Variants in CDK19 observed in about 807,000 individuals in gnomAD.
CDK19 encodes the protein cyclin-dependent kinase 19.
A neutral mutation model predicts 68.3 loss-of-function variants in CDK19; 20 were observed. That is an observed-to-expected ratio of 0.29 (90% CI 0.21 to 0.43). CDK19 has a LOEUF of 0.43. Ranked by LOEUF, CDK19 falls within the 20% of genes least tolerant of loss-of-function variation. CDK19 has a pLI of 1.00. For synonymous variants in CDK19, 221 were observed against 222.8 expected, an observed-to-expected ratio of 0.99 and a Z score of 0.07; for missense variants, 339 against 623.5, an observed-to-expected ratio of 0.54 and a Z score of 4.86.
intron 2 of CDK19, among the ~76,000 whole-genome samples, chr6:110,741,631 A>C (rs1346978245): frequency 6.6e-6 from 1 of 152,040 alleles, no homozygotes. Context: ...AAAGCCAAAG[A>C]CAAAGACAGA....
chr6:110,767,275 A>G (rs924428695), intron 1 of CDK19, among the ~76,000 whole-genome samples: 7 of 151,962 alleles, frequency 4.6e-5, no homozygotes, highest in African/African-American at 1.4e-4. Context: ...AAAATCACAG[A>G]TAGGAGGAAT....
chr6:110,722,527 C>A (rs1220430214), intron 2 of CDK19, among the ~76,000 whole-genome samples: 1 of 145,018 alleles, frequency 6.9e-6, no homozygotes. Flanking sequence ...AGTGAGATCT[C>A]ATCTTTGTTT....
chr6:110,813,007 A>G (rs1406484435), intron 1 of CDK19, among the ~76,000 whole-genome samples: 1 of 151,682 alleles, frequency 6.6e-6, no homozygotes, highest in African/African-American at 2.4e-5. Context: ...TCTTATACGT[A>G]ATACAGTGAT....
chr6:110,725,528 A>C (rs1776255556), intron 2 of CDK19, among the ~76,000 whole-genome samples: 1 of 152,182 alleles, frequency 6.6e-6, no homozygotes. Flanking sequence ...TTGATTTTAC[A>C]AAATCAGTAG....
chr6:110,649,671 A>G (rs1483962285), intron 4 of CDK19, among the ~76,000 whole-genome samples: 1 of 152,218 alleles, frequency 6.6e-6, no homozygotes, highest in East Asian at 1.9e-4. Context: ...ACAAAATAGA[A>G]AAATGGGCAA....
rs1336362232 is a variant in CDK19, at chr6:110,632,024, A to G, written c.646+6T>C. On this transcript the variant is annotated splice_donor_region_variant and intron_variant, in intron 6 of 12. Transcript: ENST00000368911. ...CAAGATAGTAAATCATTTTAGACCAACTTACCAATGGCCTTTGTATAATGC... is the reference window on the plus strand; with the variant it reads ...CAAGATAGTAAATCATTTTAGACCAGCTTACCAATGGCCTTTGTATAATGC... 1 of 1,600,414 alleles carries G rather than the reference A, an allele frequency of 6.2e-7. No individual in the cohort carries two copies. Among genetic ancestry groups the G allele is most frequent in the East Asian group, 2.2e-5 (1 of 44,820 alleles).
chr6:110,768,224 A>G (rs1779726925), intron 1 of CDK19, among the ~76,000 whole-genome samples: 2 of 152,180 alleles, frequency 1.3e-5, no homozygotes, highest in African/African-American at 2.4e-5. Context: ...CTAAAATCCA[A>G]AACACTGACA....
chr6:110,729,227 G>C (rs983545095), intron 2 of CDK19, among the ~76,000 whole-genome samples: 1 of 152,074 alleles, frequency 6.6e-6, no homozygotes, highest in Non-Finnish European at 1.5e-5. Context: ...GCTTTTTACC[G>C]TTAACTGAAT....
chr6:110,785,992 A>AG (rs1211053917), intron 1 of CDK19, among the ~76,000 whole-genome samples: 2 of 152,038 alleles, frequency 1.3e-5, no homozygotes, highest in Non-Finnish European at 2.9e-5. Context: ...AAAAAAAAAA[A>AG]AGAAAGGAAA....
chr6:110,812,421 CCA>C (rs1203907078), intron 1 of CDK19, among the ~76,000 whole-genome samples: 3 of 152,112 alleles, frequency 2.0e-5, no homozygotes, highest in Admixed American at 6.5e-5. Context: ...CGCACCCGAC[CCA>C]GAGAATATTT....
chr6:110,742,646 A>G (rs1404435596), intron 2 of CDK19, among the ~76,000 whole-genome samples: 2 of 152,148 alleles, frequency 1.3e-5, no homozygotes, highest in Admixed American at 6.5e-5. Context: ...GGAGGTCTAT[A>G]AACGGCCACT....
At chr6:110,683,567 TCTGA>T (rs1321290399) in intron 2 of CDK19, among the ~76,000 whole-genome samples, 1 of 152,218 alleles carries the variant, frequency 6.6e-6, no homozygotes, top group Admixed American at 6.5e-5. Context: ...TCATTTTCTC[TCTGA>T]CTTTTAAATT....
chr6:110,631,472 C>A (rs1361915699), intron 6 of CDK19, among the ~76,000 whole-genome samples: 1 of 152,164 alleles, frequency 6.6e-6, no homozygotes, highest in Admixed American at 6.5e-5. Context: ...TTTTCTTACT[C>A]AGTTTTTTTA....
At chr6:110,719,550 T>C (rs1253488594) in intron 2 of CDK19, among the ~76,000 whole-genome samples, 1 of 151,966 alleles carries the variant, frequency 6.6e-6, no homozygotes, top group Non-Finnish European at 1.5e-5. Context: ...AATCTAAACA[T>C]ATGAATAAAT....
chr6:110,739,165 G>A (rs1272069489), intron 2 of CDK19, among the ~76,000 whole-genome samples: 1 of 152,168 alleles, frequency 6.6e-6, no homozygotes, highest in Non-Finnish European at 1.5e-5. Flanking sequence ...AAATTCGTAT[G>A]TTGAAATCCT....
intron 1 of CDK19, among the ~76,000 whole-genome samples, chr6:110,788,846 C>CTTTTT (rs543680579): frequency 5.9e-5 from 9 of 151,718 alleles, no homozygotes; most frequent in Admixed American, 4.6e-4. Flanking sequence ...AGGAACTGAA[C>CTTTTT]TTTTTTTTTC....
At chr6:110,792,191 G>A (rs111670177) in intron 1 of CDK19, among the ~76,000 whole-genome samples, 3,563 of 151,614 alleles carry the variant, frequency 0.024, 127 homozygotes, top group East Asian at 0.069. Context: ...GGATGGTCTC[G>A]ATCTCTTGAC....
chr6:110,803,811 T>C (rs1363295760), intron 1 of CDK19, among the ~76,000 whole-genome samples: 1 of 151,952 alleles, frequency 6.6e-6, no homozygotes, highest in Non-Finnish European at 1.5e-5. Flanking sequence ...CTACAAGAAA[T>C]GCAAGAATTA....
At chr6:110,692,364 T>C (rs570649164) in intron 2 of CDK19, among the ~76,000 whole-genome samples, 20 of 150,094 alleles carry the variant, frequency 1.3e-4, no homozygotes, top group Non-Finnish European at 2.2e-4. Flanking sequence ...GTTTTAACAA[T>C]AGACTAGAAC....
Sources: gnomAD v4.1 joint callset for allele counts (sites outside exome capture counted in the v4.1 genomes callset) on GRCh38, gnomAD v4.1.1 for gene constraint, MANE v1.5 for transcripts, NCBI Gene and HGNC (gene_info 2026-07-23, HGNC 2026-07-21) for gene names.